Variants in CYLC2 observed in about 807,000 individuals in gnomAD.
The protein encoded by CYLC2 is cylicin 2, also known as cylicin-2.
A neutral mutation model predicts 26.1 loss-of-function variants in CYLC2; 30 were observed. That is an observed-to-expected ratio of 1.15 (90% CI 0.86 to 1.56). The LOEUF is 1.56. CYLC2 is among the 40% of genes most tolerant of loss of function. The probability of loss-of-function intolerance (pLI) is 0.00; values close to 1 mark genes in which losing one functional copy is unlikely to be tolerated. For synonymous variants in CYLC2, 158 were observed against 132.8 expected (o/e 1.19, Z -1.31); for missense variants, 498 against 394.4 (o/e 1.26, Z -2.23).
At chr9:103,014,168 T>A (rs1349821574) in intron 6 of CYLC2, among the ~76,000 whole-genome samples, 2 of 121,612 alleles carry the variant, frequency 1.6e-5, no homozygotes, top group African/African-American at 6.7e-5. Context: ...ATAATATGAA[T>A]ATTATATATC....
chr9:102,995,378 A>T lies in CYLC2; in HGVS notation c.-3A>T. On this transcript the variant is annotated 5_prime_UTR_variant, in exon 1 of 8. Coordinates refer to ENST00000374798, the MANE Select transcript of CYLC2 (RefSeq NM_001340.5). Reference sequence around the variant, plus strand: ...AAGTCCTGGCAAGTCATAAGTGGGGAAAATGTCTCTCCCAAGATTGTAAGT... The same window carrying T: ...AAGTCCTGGCAAGTCATAAGTGGGGTAAATGTCTCTCCCAAGATTGTAAGT... 6.2e-7 allele frequency: 1 copy of T among 1,603,700 alleles called. No homozygotes were observed. The highest frequency in any genetic ancestry group is 1.3e-5 in the African/African-American group (1 of 74,766).
chr9:103,013,364 A>C (rs1234572037), intron 6 of CYLC2, among the ~76,000 whole-genome samples: 1 of 107,202 alleles, frequency 9.3e-6, no homozygotes, highest in Non-Finnish European at 1.7e-5. Flanking sequence ...TTATATAAAT[A>C]TATATTTAAT....
At chr9:103,011,629 T>C (rs561305622) in intron 5 of CYLC2, among the ~76,000 whole-genome samples, 1 of 152,114 alleles carries the variant, frequency 6.6e-6, no homozygotes, top group East Asian at 1.9e-4. Context: ...AGGGCTCAAC[T>C]TTGCAAGAGA....
chr9:103,016,401 T>C (rs1829507106), intron 6 of CYLC2, among the ~76,000 whole-genome samples: 1 of 152,174 alleles, frequency 6.6e-6, no homozygotes, highest in African/African-American at 2.4e-5. Flanking sequence ...ATGGAAGATC[T>C]ATGCCTGCTG....
chr9:102,995,437 G>A (rs201937349), intron 1 of CYLC2, 40 bp downstream of exon 1: 35 of 1,471,940 alleles, frequency 2.4e-5, no homozygotes, highest in Middle Eastern at 1.7e-4. Flanking sequence ...TGAAATACTC[G>A]TTAGCTTTAC....
chr9:102,995,495 C>A (rs918923230), intron 1 of CYLC2, 98 bp downstream of exon 1: 25 of 879,050 alleles, frequency 2.8e-5, no homozygotes, highest in Non-Finnish European at 4.5e-5. Flanking sequence ...TATTATGATG[C>A]CATTCATAAG....
chr9:103,001,894 A>C (rs532705107), intron 2 of CYLC2, among the ~76,000 whole-genome samples: 18 of 152,290 alleles, frequency 1.2e-4, no homozygotes, highest in African/African-American at 4.3e-4. Context: ...TTACAGTTGA[A>C]AAGCAATGTA....
At position 103,013,065 on chromosome 9, in the gene CYLC2, G is replaced by C. The variant is rs374819730; in HGVS notation, c.*816+968G>C. ...CCAAAAATGCACTTAAAAACTAATTGTATATGTATAAATATGTATCATAAA... is the reference window on the plus strand; with the variant it reads ...CCAAAAATGCACTTAAAAACTAATTCTATATGTATAAATATGTATCATAAA... On this transcript the variant is annotated intron_variant, in intron 6 of 7. Coordinates refer to ENST00000374798, the MANE Select transcript of CYLC2 (RefSeq NM_001340.5). Among the ~76,000 whole-genome samples the C allele has an allele frequency of 7.7e-5, 11 of 142,552 alleles. No homozygotes were observed. The East Asian group carries it at 1.6e-3, about 21-fold the overall frequency. 93.5% of individuals were successfully genotyped at this position (142,552 alleles called of 152,430 possible). A position where few individuals can be genotyped will look rare whatever the true frequency, so the allele number is the denominator to read the frequency against.
At chr9:103,010,870 C>T (rs1829399952) in intron 5 of CYLC2, 1 of 151,548 alleles carries the variant, frequency 6.6e-6, no homozygotes, top group Admixed American at 6.6e-5. Flanking sequence ...CTGTATTGAA[C>T]AAATATGGAA....
rs993739981 is a variant in CYLC2 at position 103,005,266 on chromosome 9, G to A, written c.635G>A (p.Gly212Asp). The A allele has an allele frequency of 1.2e-6, 2 of 1,613,282 alleles. No homozygotes were observed. Among genetic ancestry groups the A allele is most frequent in the South Asian group, 2.2e-5 (2 of 91,040 alleles). The stretch of plus-strand genomic sequence containing the variant: ...ACAGAATCTGAAGGTGAAAAAGGAG[G>A]TACAGAGAAAGATAGCAAAAAAGGT... ...SATESEGEKG[G>D]TEKDSKKGKK... The change falls in exon 5 of 8, where the codon GGT becomes GAT. Residue 212 changes from glycine to aspartate, a missense_variant. Gly to Asp is a moderately conservative substitution (Grantham distance 94). Coordinates refer to ENST00000374798, the MANE Select transcript of CYLC2 (RefSeq NM_001340.5).
chr9:103,006,771 G>T (rs1263114306), intron 5 of CYLC2, among the ~76,000 whole-genome samples: 1 of 152,018 alleles, frequency 6.6e-6, no homozygotes. Flanking sequence ...ATTTTTGAGG[G>T]TACATAGTAG....
Position 102,995,392 on chromosome 9 carries a change from A to G in CYLC2, c.12A>G (p.Pro4=). Residue 4 remains proline (P), a synonymous_variant, in exon 1 of 8, where the codon CCA becomes CCG. Coordinates refer to ENST00000374798, the MANE Select transcript of CYLC2 (RefSeq NM_001340.5). The part of the protein sequence containing the change: MSL[P]RFQRVNFGPY... ...CATAAGTGGGGAAAATGTCTCTCCC[A>G]AGATTGTAAGTCAAATTTTATGTTT... 1.9e-6 allele frequency: 3 copies of G among 1,603,962 alleles called. No homozygotes were observed. Among genetic ancestry groups the G allele is most frequent in the Non-Finnish European group, 1.7e-6 (2 of 1,171,442 alleles).
chr9:103,011,317 C>G (rs1261440946), intron 5 of CYLC2, among the ~76,000 whole-genome samples: 7 of 152,056 alleles, frequency 4.6e-5, no homozygotes, highest in Admixed American at 3.3e-4. Context: ...TTTAGTGTAA[C>G]TTTAAAACAG....
chr9:103,004,670 C>T, intron 3 of CYLC2, 25 bp from the exon 4 acceptor site: 4 of 1,533,964 alleles, frequency 2.6e-6, no homozygotes, highest in Middle Eastern at 3.5e-4. Flanking sequence ...ACAAGTTGTT[C>T]ATCATTATTG....
chr9:102,998,480 GAGGAA>G (rs1829258515), intron 1 of CYLC2, among the ~76,000 whole-genome samples: 1 of 151,908 alleles, frequency 6.6e-6, no homozygotes, highest in Non-Finnish European at 1.5e-5. Context: ...CTGTACCAGA[GAGGAA>G]AGGAAAGAGA....
intron 6 of CYLC2, among the ~76,000 whole-genome samples, chr9:103,015,002 T>A (rs372176544): frequency 1.8e-5 from 2 of 112,988 alleles, no homozygotes; most frequent in African/African-American, 3.1e-5. Flanking sequence ...AATATACATA[T>A]TATGTATATT....
Position 103,005,260 on chromosome 9 carries a change from A to G in CYLC2, c.629A>G (p.Lys210Arg), listed in dbSNP as rs764543390. The G allele has an allele frequency of 6.2e-7, 1 of 1,613,504 alleles. No individual in the cohort carries two copies. Among genetic ancestry groups the G allele is most frequent in the African/African-American group, 1.3e-5 (1 of 74,992 alleles). ...KDSATESEGE[K>R]GGTEKDSKKG... is the part of the protein sequence containing the mutation. ...TCGGCAACAGAATCTGAAGGTGAAA[A>G]AGGAGGTACAGAGAAAGATAGCAAA... Residue 210 changes from lysine to arginine, a missense_variant, in exon 5 of 8, where the codon AAA becomes AGA. Transcript: ENST00000374798.
At chr9:103,001,281 TACAC>T (rs1829285728) in intron 1 of CYLC2, among the ~76,000 whole-genome samples, 1 of 63,028 alleles carries the variant, frequency 1.6e-5, no homozygotes, top group Non-Finnish European at 3.1e-5. Context: ...AATTTGCTTA[TACAC>T]ACACAATACA....
In CYLC2 at chr9:103,004,761, A is replaced by G. The variant is rs778083431; in HGVS notation, c.247A>G (p.Arg83Gly). The G allele has an allele frequency of 7.4e-6, 12 of 1,611,784 alleles. No homozygotes were observed. Among genetic ancestry groups the G allele is most frequent in the East Asian group, 2.2e-5 (1 of 44,846 alleles). ...QPLWMYRSLM[R>G]ISERPSVYLA... ...ATTATGGATGTACCGTTCTTTAATG[A>G]GAATTTCTGAGAGACCATCTGTTTA... is the stretch of plus-strand genomic sequence containing the variant. Residue 83 changes from arginine (R) to glycine (G), a missense_variant, in exon 4 of 8, where the codon AGA becomes GGA. Coordinates refer to ENST00000374798, the MANE Select transcript of CYLC2 (RefSeq NM_001340.5).
Sources: allele counts gnomAD v4.1 joint callset (sites outside exome capture counted in the v4.1 genomes callset), GRCh38; gene constraint gnomAD v4.1.1; transcripts MANE v1.5; gene names NCBI Gene and HGNC (gene_info 2026-07-23, HGNC 2026-07-21).